The following NET1 variants were observed in gnomAD, a reference collection of about 807,000 sequenced individuals.
NET1 encodes neuroepithelial cell transforming 1.
A neutral mutation model predicts 61.1 loss-of-function variants in NET1; 42 were observed. That is an observed-to-expected ratio of 0.69 (90% CI 0.54 to 0.89). The LOEUF is 0.89. NET1 is among the 40% of genes least tolerant of loss of function. The pLI, the probability that NET1 is intolerant of heterozygous loss-of-function variation, is 0.00. For missense variants in NET1, 654 were observed against 747.3 expected (o/e 0.88, Z 1.46); for synonymous variants, 254 against 281.8 (o/e 0.90, Z 0.99).
intron 3 of NET1, among the ~76,000 whole-genome samples, chr10:5,433,406 A>G (rs920937765): frequency 6.6e-6 from 1 of 152,220 alleles, no homozygotes; most frequent in Non-Finnish European, 1.5e-5. Flanking sequence ...GACAGGAACC[A>G]TAGGACCTGT....
At chr10:5,445,753 T>C (rs1832597569) in intron 3 of NET1, among the ~76,000 whole-genome samples, 1 of 152,242 alleles carries the variant, frequency 6.6e-6, no homozygotes, top group Non-Finnish European at 1.5e-5. Flanking sequence ...TATTGTCACT[T>C]CACCTCTGTT....
rs1443798170 is a variant in NET1 at position 5,440,464 on chromosome 10, T to G, written c.255+11235T>G. Among the ~76,000 whole-genome samples, 2 of 152,200 alleles carry G rather than the reference T, an allele frequency of 1.3e-5. No individual in the cohort carries two copies. Among genetic ancestry groups the G allele is most frequent in the East Asian group, 3.8e-4 (2 of 5,202 alleles). On this transcript the variant is annotated intron_variant, in intron 3 of 11. Transcript: ENST00000355029. The surrounding 1 kb of genome is among the most constrained non-coding windows in gnomAD (Gnocchi z 4.1). ...TAAGTTTACAGTGGTCCACTGTCAT[T>G]TACCACAGTCCACCTCATTATTGTA...
Position 5,456,850 on chromosome 10 carries a change from T to A in NET1, c.1647T>A (p.Val549=). 6.2e-7 allele frequency: 1 copy of A among 1,614,048 alleles called. No homozygotes were observed. Among genetic ancestry groups the A allele is most frequent in the East Asian group, 2.2e-5 (1 of 44,876 alleles). The change falls in exon 12 of 12, where the codon GTT becomes GTA. Residue 549 remains valine, a synonymous_variant. Transcript: ENST00000355029. This position sits in a 1 kb window ranked among gnomAD's most constrained non-coding sequence, Gnocchi z 7.0. Reference sequence around the variant, plus strand: ...TTTCCAGTGTTACTCAGGTAGAAGTTGATGAAAACGCTTACAGATGTGGCT... The same window carrying A: ...TTTCCAGTGTTACTCAGGTAGAAGTAGATGAAAACGCTTACAGATGTGGCT... ...STVSSVTQVE[V]DENAYRCGSG...
At position 5,412,649 on chromosome 10, in the gene NET1, G is replaced by T. The variant is rs1253338880; in HGVS notation, c.-44G>T. 1 of 1,445,490 alleles carries T rather than the reference G, an allele frequency of 6.9e-7. No homozygotes were observed. Among genetic ancestry groups the T allele is most frequent in the Non-Finnish European group, 9.0e-7 (1 of 1,111,392 alleles). 89.5% of individuals were successfully genotyped at this position (1,445,490 alleles called of 1,614,324 possible). On this transcript the variant is annotated 5_prime_UTR_variant, in exon 1 of 12. Transcript: ENST00000355029. This position sits in a 1 kb window ranked among gnomAD's most constrained non-coding sequence, Gnocchi z 6.5. ...GCGGGCATCGTGCCCGTCCCTGCCGGTCTCCCGGGCACCCGGCCACCGCCC... is the reference window on the plus strand; with the variant it reads ...GCGGGCATCGTGCCCGTCCCTGCCGTTCTCCCGGGCACCCGGCCACCGCCC...
rs756934022 is a variant in NET1, at chr10:5,455,069, C to T, written c.1148C>T (p.Ala383Val). ...DEKQRDPRIE[A>V]SKVLLCHGEL... The stretch of plus-strand genomic sequence containing the variant: ...AAGCAGAGGGACCCCAGAATCGAAG[C>T]GAGCAAAGTGCTGCTGTGCCATGGG... The change falls in exon 10 of 12, where the codon GCG (alanine) becomes GTG (valine). Residue 383 changes from alanine (A) to valine (V), a missense_variant. Physicochemically the swap from Ala to Val is moderately conservative, Grantham distance 64. Coordinates refer to ENST00000355029, the MANE Select transcript of NET1 (RefSeq NM_001047160.3). This position sits in a 1 kb window ranked among gnomAD's most constrained non-coding sequence, Gnocchi z 6.5. 5.6e-6 allele frequency: 9 copies of T among 1,613,884 alleles called. No individual in the cohort carries two copies. The highest frequency in any genetic ancestry group is 2.7e-5 in the African/African-American group (2 of 74,916).
chr10:5,456,924 C>T lies in NET1; in HGVS notation c.1721C>T (p.Thr574Ile). 4 of 1,610,426 alleles carry T rather than the reference C, an allele frequency of 2.5e-6. No individual in the cohort carries two copies. The highest frequency in any genetic ancestry group is 2.5e-6 in the Non-Finnish European group (3 of 1,178,160). ...EDSKSLKTHQ[T>I]QPGIRRARDK... is the part of the protein sequence containing the mutation. ...AGCAAGAGCTTAAAGACACACCAGA[C>T]ACAGCCCGGCATCCGAAGAGCGAGG... The change falls in exon 12 of 12, where the codon ACA (threonine) becomes ATA (isoleucine). Residue 574 changes from threonine (T) to isoleucine (I), a missense_variant. Thr to Ile is a moderately conservative substitution (Grantham distance 89). Coordinates refer to ENST00000355029, the MANE Select transcript of NET1 (RefSeq NM_001047160.3). This position sits in a 1 kb window ranked among gnomAD's most constrained non-coding sequence, Gnocchi z 7.0.
intron 3 of NET1, among the ~76,000 whole-genome samples, chr10:5,432,311 A>G (rs1216378694): frequency 1.3e-5 from 2 of 152,254 alleles, no homozygotes; most frequent in Admixed American, 1.3e-4. Flanking sequence ...CAGTCTTACT[A>G]TGTAGAGTTC....
In NET1 at chr10:5,457,488, G is replaced by A. The variant is rs1274925263; in HGVS notation, c.*494G>A. The A allele has an allele frequency of 6.6e-6, 1 of 152,526 alleles. No individual in the cohort carries two copies. The highest frequency in any genetic ancestry group is 2.4e-5 in the African/African-American group (1 of 41,380). 9.4% of individuals were successfully genotyped at this position (152,526 alleles called of 1,614,324 possible). On this transcript the variant is annotated 3_prime_UTR_variant, in exon 12 of 12. Transcript: ENST00000355029. This position sits in a 1 kb window ranked among gnomAD's most constrained non-coding sequence, Gnocchi z 5.4. ...TTTACATTGAAACATAATTTCCTTG[G>A]AAAACAAACCATAAGCCTGAGGAGG...
intron 3 of NET1, among the ~76,000 whole-genome samples, chr10:5,436,184 TGTTGTGTGTGTGTG>T (rs200562714): frequency 0.6 from 35,058 of 57,958 alleles, 11,244 homozygotes; most frequent in Middle Eastern, 0.73. Flanking sequence ...TGTGTGTGTG[TGTTGTGTGTGTGTG>T]TGTGTGTGTG....
Position 5,453,577 on chromosome 10 carries a change from T to G in NET1, c.768+17T>G, listed in dbSNP as rs781186108. 6.2e-7 allele frequency: 1 copy of G among 1,607,682 alleles called. No homozygotes were observed. The highest frequency in any genetic ancestry group is 1.7e-5 in the Admixed American group (1 of 60,018). ...GTGAGCTGGGTATGTAGTGAGTTGT[T>G]GACCCCAGATACAGTTTCTTACAGA... On this transcript the variant is annotated intron_variant, in intron 8 of 11. Coordinates refer to ENST00000355029, the MANE Select transcript of NET1 (RefSeq NM_001047160.3). This position sits in a 1 kb window ranked among gnomAD's most constrained non-coding sequence, Gnocchi z 4.9.
chr10:5,413,222 C>T (rs970115403), intron 1 of NET1, among the ~76,000 whole-genome samples: 1 of 152,138 alleles, frequency 6.6e-6, no homozygotes, highest in Non-Finnish European at 1.5e-5. Context: ...GGAAAAACCA[C>T]AATGGTTTTG....
At chr10:5,413,286 C>A (rs1243940820) in intron 1 of NET1, among the ~76,000 whole-genome samples, 3 of 152,218 alleles carry the variant, frequency 2.0e-5, no homozygotes, top group Non-Finnish European at 2.9e-5. Context: ...TTTGCTCAGA[C>A]CGAAACTGTC....
intron 3 of NET1, among the ~76,000 whole-genome samples, chr10:5,448,885 A>G (rs956574717): frequency 6.6e-6 from 1 of 152,142 alleles, no homozygotes; most frequent in South Asian, 2.1e-4. Context: ...TGTCTGGCCT[A>G]TCTAAATATT....
chr10:5,426,521 T>C lies in NET1; in HGVS notation c.129-134T>C. On this transcript the variant is annotated intron_variant, in intron 1 of 11. Transcript: ENST00000355029. The surrounding 1 kb of genome is among the most constrained non-coding windows in gnomAD (Gnocchi z 4.6). ...TATATATATAGACCATCTCTCATATTACTAAGATTGAATGACAAATCAGGC... is the reference window on the plus strand; with the variant it reads ...TATATATATAGACCATCTCTCATATCACTAAGATTGAATGACAAATCAGGC... 3.3e-6 allele frequency: 2 copies of C among 605,732 alleles called. No individual in the cohort carries two copies. The highest frequency in any genetic ancestry group is 5.8e-6 in the Non-Finnish European group (2 of 346,714). The allele number at this position is 605,732 out of a possible 1,614,324, so 37.5% of individuals were successfully genotyped here.
At position 5,435,514 on chromosome 10, in the gene NET1, TAGATAGATAGATAGATAGACAGAC is replaced by T. The variant is rs1360336676; in HGVS notation, c.255+6289_255+6312del. The stretch of plus-strand genomic sequence containing the variant: ...ATAGATAGATAGATAGATAGATAGA[TAGATAGATAGATAGATAGACAGAC>T]AGACAGATAGATAGATAGATAGATA... On this transcript the variant is annotated intron_variant, in intron 3 of 11. Transcript: ENST00000355029. The surrounding 1 kb of genome is among the most constrained non-coding windows in gnomAD (Gnocchi z 5.0). 6.2e-3 allele frequency among the ~76,000 whole-genome samples: 218 copies of T among 35,282 alleles called. No individual in the cohort carries two copies. Among genetic ancestry groups the T allele is most frequent in the African/African-American group, 0.02 (183 of 9,198 alleles). 23.1% of individuals were successfully genotyped at this position (35,282 alleles called of 152,430 possible). A position where few individuals can be genotyped will look rare whatever the true frequency, so the allele number is the denominator to read the frequency against.
chr10:5,436,569 C>T (rs1305674164), intron 3 of NET1, among the ~76,000 whole-genome samples: 2 of 151,434 alleles, frequency 1.3e-5, no homozygotes, highest in Non-Finnish European at 2.9e-5. Context: ...GTATACTCTG[C>T]CATTTTTAGA....
In NET1 at chr10:5,446,387, A is replaced by G. The variant is rs552091729; in HGVS notation, c.256-5443A>G. Among the ~76,000 whole-genome samples the G allele has an allele frequency of 1.3e-5, 2 of 152,314 alleles. No homozygotes were observed. Among genetic ancestry groups the G allele is most frequent in the South Asian group, 4.1e-4 (2 of 4,824 alleles). On this transcript the variant is annotated intron_variant, in intron 3 of 11. Coordinates refer to ENST00000355029, the MANE Select transcript of NET1 (RefSeq NM_001047160.3). The surrounding 1 kb of genome is among the most constrained non-coding windows in gnomAD (Gnocchi z 5.0). ...ACTAAGCACCAGAGTAGATAACGTA[A>G]CAATTTGTTTTACTTCGGGAATGCA...
chr10:5,417,330 G>A lies in NET1; in HGVS notation c.128+4510G>A, dbSNP rs1832100144. On this transcript the variant is annotated intron_variant, in intron 1 of 11. Coordinates refer to ENST00000355029, the MANE Select transcript of NET1 (RefSeq NM_001047160.3). This position sits in a 1 kb window ranked among gnomAD's most constrained non-coding sequence, Gnocchi z 5.5. ...GTGAGCCAGGGTGGTCTTGGGAAATGCAACATTTGGGTAGGAAAACAGAAA... is the reference window on the plus strand; with the variant it reads ...GTGAGCCAGGGTGGTCTTGGGAAATACAACATTTGGGTAGGAAAACAGAAA... Among the ~76,000 whole-genome samples the A allele has an allele frequency of 6.6e-6, 1 of 152,084 alleles. No individual in the cohort carries two copies. The highest frequency in any genetic ancestry group is 1.5e-5 in the Non-Finnish European group (1 of 68,014).
In NET1 at chr10:5,455,524, T is replaced by G. The variant is rs965144974; in HGVS notation, c.1197+406T>G. On this transcript the variant is annotated intron_variant, in intron 10 of 11. Coordinates refer to ENST00000355029, the MANE Select transcript of NET1 (RefSeq NM_001047160.3). The surrounding 1 kb of genome is among the most constrained non-coding windows in gnomAD (Gnocchi z 6.5). ...GAATGCAAATGTATTTTTTAAATGC[T>G]AATTATAAAAGTACCTGCTAGAACT... Among the ~76,000 whole-genome samples, 3 of 152,250 alleles carry G rather than the reference T, an allele frequency of 2.0e-5. No individual in the cohort carries two copies. The highest frequency in any genetic ancestry group is 7.2e-5 in the African/African-American group (3 of 41,460).
Sources: allele counts gnomAD v4.1 joint callset (sites outside exome capture counted in the v4.1 genomes callset), GRCh38; gene constraint gnomAD v4.1.1; non-coding constraint Gnocchi (gnomAD v3.1); transcripts MANE v1.5; gene names NCBI Gene and HGNC (gene_info 2026-07-23, HGNC 2026-07-21).